DNAH9: variants seen among roughly 807,000 people sequenced by gnomAD.
The protein encoded by DNAH9 is DNAH9 variant protein.
DNAH9 carries 345 observed loss-of-function variants against 471.6 expected under a neutral mutation model. That is an observed-to-expected ratio of 0.73 (90% CI 0.67 to 0.80). The LOEUF (loss-of-function observed/expected upper bound fraction) is 0.80. Ranked by LOEUF, DNAH9 falls within the 30% of genes least tolerant of loss-of-function variation. The pLI is 0.00. For synonymous variants in DNAH9, 2,093 were observed against 2,123.6 expected (o/e 0.99, Z 0.40); for missense variants, 5,407 against 5,609.2 (o/e 0.96, Z 1.15).
intron 26 of DNAH9, among the ~76,000 whole-genome samples, chr17:11,716,728 G>T (rs1407500526): frequency 6.6e-6 from 1 of 152,190 alleles, no homozygotes; most frequent in African/African-American, 2.4e-5. Context: ...GAGCCCTGCA[G>T]CTCCAGAGAA....
chr17:11,726,613 A>G (rs1289011928), intron 27 of DNAH9, among the ~76,000 whole-genome samples: 3 of 152,162 alleles, frequency 2.0e-5, no homozygotes, highest in African/African-American at 7.2e-5. Flanking sequence ...TGTGGTCTAT[A>G]TTATTCAATG....
chr17:11,912,927 G>A (rs1973834822), intron 61 of DNAH9, among the ~76,000 whole-genome samples: 1 of 152,028 alleles, frequency 6.6e-6, no homozygotes, highest in Admixed American at 6.6e-5. Context: ...TAGCACTTTG[G>A]GAGGCTGAAG....
intron 26 of DNAH9, among the ~76,000 whole-genome samples, chr17:11,711,538 A>T (rs1481067655): frequency 6.6e-6 from 1 of 152,060 alleles, no homozygotes; most frequent in African/African-American, 2.4e-5. Flanking sequence ...CAGTATTTAA[A>T]GATGTTTGCT....
intron 49 of DNAH9, among the ~76,000 whole-genome samples, chr17:11,843,733 A>G (rs924077518): frequency 1.3e-5 from 2 of 151,014 alleles, no homozygotes; most frequent in Admixed American, 6.6e-5. Flanking sequence ...CATATTTGCA[A>G]AAATAATTGA....
chr17:11,740,734 C>T (rs1056754119), intron 29 of DNAH9, among the ~76,000 whole-genome samples: 1 of 152,124 alleles, frequency 6.6e-6, no homozygotes, highest in Non-Finnish European at 1.5e-5. Flanking sequence ...CAGATGCATT[C>T]AGCAAATTGC....
intron 28 of DNAH9, among the ~76,000 whole-genome samples, chr17:11,731,119 G>A (rs1344583452): frequency 1.3e-5 from 2 of 150,442 alleles, no homozygotes; most frequent in East Asian, 3.9e-4. Flanking sequence ...GATGGTGGTG[G>A]CAGTGATGAC....
At chr17:11,903,055 A>C in intron 60 of DNAH9, 143 bp downstream of exon 60, 1 of 933,780 alleles carries the variant, frequency 1.1e-6, no homozygotes, top group Non-Finnish European at 1.6e-6. Context: ...AAATTAACTA[A>C]ACAGGCCAGG....
chr17:11,925,353 C>T, intron 62 of DNAH9: 1 of 311,768 alleles, frequency 3.2e-6, no homozygotes. Flanking sequence ...TTACTGGTGA[C>T]ATCACATCTT....
At chr17:11,756,435 A>G in intron 33 of DNAH9, 133 bp from the exon 34 acceptor site, 1 of 660,820 alleles carries the variant, frequency 1.5e-6, no homozygotes, top group Non-Finnish European at 2.7e-6. Flanking sequence ...TTGGGTGGGG[A>G]CACAGCCAAA....
intron 35 of DNAH9, among the ~76,000 whole-genome samples, chr17:11,759,120 T>G (rs1967536531): frequency 6.6e-6 from 1 of 151,688 alleles, no homozygotes; most frequent in African/African-American, 2.4e-5. Flanking sequence ...TTTTAAAATG[T>G]TTTTTAAAGT....
chr17:11,729,843 T>C (rs2075227128), intron 28 of DNAH9, among the ~76,000 whole-genome samples: 1 of 152,224 alleles, frequency 6.6e-6, no homozygotes. Flanking sequence ...GACGTGGGGC[T>C]GTGGGTGGGG....
At chr17:11,734,907 A>T (rs1026950761) in intron 28 of DNAH9, among the ~76,000 whole-genome samples, 4 of 152,282 alleles carry the variant, frequency 2.6e-5, no homozygotes, top group Admixed American at 1.3e-4. Flanking sequence ...AGAGGTAGGG[A>T]TGAGTAGAAA....
chr17:11,772,544 C>A (rs987640353), intron 38 of DNAH9, among the ~76,000 whole-genome samples: 1 of 152,100 alleles, frequency 6.6e-6, no homozygotes, highest in Non-Finnish European at 1.5e-5. Flanking sequence ...TTCATTGTAT[C>A]CTCTGCCTCC....
chr17:11,854,623 A>G (rs1971558264), intron 50 of DNAH9, among the ~76,000 whole-genome samples, 195 bp downstream of exon 50: 1 of 152,200 alleles, frequency 6.6e-6, no homozygotes, highest in Non-Finnish European at 1.5e-5. Flanking sequence ...CAAACAAGAC[A>G]ATTCCACTGG....
chr17:11,771,544 C>G (rs1054102796), intron 38 of DNAH9, among the ~76,000 whole-genome samples: 3 of 152,206 alleles, frequency 2.0e-5, no homozygotes, highest in Non-Finnish European at 2.9e-5. Context: ...AGCCTCAATA[C>G]TATCATATCT....
At chr17:11,720,074 C>T (rs985883828) in intron 27 of DNAH9, among the ~76,000 whole-genome samples, 4 of 152,072 alleles carry the variant, frequency 2.6e-5, no homozygotes, top group Non-Finnish European at 4.4e-5. Flanking sequence ...CAGGCACGTA[C>T]AATTTTTTAA....
intron 4 of DNAH9, 110 bp from the exon 5 acceptor site, chr17:11,617,301 C>T (rs1191562284): frequency 2.9e-6 from 2 of 695,526 alleles, no homozygotes; most frequent in East Asian, 2.7e-5. Context: ...TGGAACCAGC[C>T]TTCTCTCTGC....
intron 22 of DNAH9, among the ~76,000 whole-genome samples, chr17:11,695,217 A>G (rs966429192): frequency 1.3e-5 from 2 of 152,026 alleles, no homozygotes; most frequent in Admixed American, 6.6e-5. Flanking sequence ...CCCCATCAGT[A>G]TTGCTGCTCA....
chr17:11,882,952 C>T (rs111447085), intron 55 of DNAH9: 1 of 985,370 alleles, frequency 1.0e-6, no homozygotes. Flanking sequence ...GAACCTCCAA[C>T]AGGAAGGTTG....
Sources: allele counts gnomAD v4.1 joint callset (sites outside exome capture counted in the v4.1 genomes callset), GRCh38; gene constraint gnomAD v4.1.1; transcripts MANE v1.5; gene names NCBI Gene and HGNC (gene_info 2026-07-23, HGNC 2026-07-21).